The following FAM20A variants were observed in gnomAD, a reference collection of about 807,000 sequenced individuals.
FAM20A encodes the protein pseudokinase FAM20A.
A neutral mutation model predicts 52.0 loss-of-function variants in FAM20A; 42 were observed. That is an observed-to-expected ratio of 0.81 (90% CI 0.63 to 1.04). The LOEUF is 1.04. Ranked by LOEUF, FAM20A falls within the 50% of genes least tolerant of loss-of-function variation. The pLI is 0.00. For missense variants in FAM20A, 742 were observed against 712.7 expected (o/e 1.04, Z -0.47); for synonymous variants, 304 against 298.9 (o/e 1.02, Z -0.18).
At position 68,571,994 on chromosome 17, in the gene FAM20A, A is replaced by ATATAT. The variant is rs1210957280; in HGVS notation, c.405-16256_405-16252dup. Among the ~76,000 whole-genome samples, 18 of 16,664 alleles carry ATATAT rather than the reference A, an allele frequency of 1.1e-3. 1 individual carries two copies. The highest frequency in any genetic ancestry group is 6.2e-3 in the African/African-American group (12 of 1,938). 10.9% of individuals were successfully genotyped at this position (16,664 alleles called of 152,430 possible). ...TGTGTGTGTATATACATACATATAT[A>ATATAT]TATATATATATATATATATATATAT... On this transcript the variant is annotated intron_variant, in intron 1 of 10. Coordinates refer to ENST00000592554, the MANE Select transcript of FAM20A (RefSeq NM_017565.4).
At position 68,552,960 on chromosome 17, in the gene FAM20A, C is replaced by T. The variant is rs1459729781; in HGVS notation, c.641-1009G>A. ...CCTCCCAAAGTGCTGGGATTACAGGCGTGAGCCACCGTGCCCGGCCTAAAC... is the reference window on the plus strand; with the variant it reads ...CCTCCCAAAGTGCTGGGATTACAGGTGTGAGCCACCGTGCCCGGCCTAAAC... On this transcript the variant is annotated intron_variant, in intron 3 of 10. Coordinates refer to ENST00000592554, the MANE Select transcript of FAM20A (RefSeq NM_017565.4). Among the ~76,000 whole-genome samples the T allele has an allele frequency of 1.1e-4, 12 of 107,074 alleles. 3 individuals carry two copies. Among genetic ancestry groups the T allele is most frequent in the Non-Finnish European group, 1.7e-4 (8 of 46,552 alleles). The allele number at this position is 107,074 out of a possible 152,430, so 70.2% of individuals were successfully genotyped here.
chr17:68,554,860 C>A, intron 2 of FAM20A, 33 bp from the exon 3 acceptor site: 2 of 1,611,242 alleles, frequency 1.2e-6, no homozygotes, highest in Non-Finnish European at 8.5e-7. Flanking sequence ...TGAGAACTTC[C>A]AGTCTTGTTC....
Position 68,600,777 on chromosome 17 carries a change from GGTCA to G in FAM20A, c.-115_-112del. 1 of 1,241,990 alleles carries G rather than the reference GGTCA, an allele frequency of 8.1e-7. No homozygotes were observed. Among genetic ancestry groups the G allele is most frequent in the Non-Finnish European group, 1.1e-6 (1 of 916,768 alleles). The allele number at this position is 1,241,990 out of a possible 1,614,324, so 76.9% of individuals were successfully genotyped here. ...GCCTGGAGTCCCGCGGGTGGGCCGG[GGTCA>G]GTGAGACCGGAATGCTCCCCGCGCG... is the stretch of plus-strand genomic sequence containing the variant. On this transcript the variant is annotated 5_prime_UTR_variant, in exon 1 of 11. Coordinates refer to ENST00000592554, the MANE Select transcript of FAM20A (RefSeq NM_017565.4). This position sits in a 1 kb window ranked among gnomAD's most constrained non-coding sequence, Gnocchi z 6.2.
intron 1 of FAM20A, among the ~76,000 whole-genome samples, chr17:68,594,242 A>G (rs1350631231): frequency 2.6e-5 from 4 of 152,204 alleles, no homozygotes; most frequent in Admixed American, 1.3e-4. Flanking sequence ...TACTAAAAAT[A>G]CAAAAAGTTA....
intron 1 of FAM20A, chr17:68,557,730 C>A (rs1480240783): frequency 1.3e-5 from 2 of 152,224 alleles, no homozygotes; most frequent in African/African-American, 4.8e-5. Flanking sequence ...TATCCCCAGA[C>A]GTGATTGCCC....
chr17:68,574,495 C>T (rs1235825211), intron 1 of FAM20A, among the ~76,000 whole-genome samples: 1 of 152,196 alleles, frequency 6.6e-6, no homozygotes, highest in African/African-American at 2.4e-5. Flanking sequence ...AACTCAATCA[C>T]CTCTTAAGGA....
rs750897470 is a variant in FAM20A at position 68,537,744 on chromosome 17, G to GAAAAGACAAAGTTACAGGAT, written c.1362-4_1362-3insATCCTGTAACTTTGTCTTTT. 6.2e-7 allele frequency: 1 copy of GAAAAGACAAAGTTACAGGAT among 1,608,638 alleles called. No individual in the cohort carries two copies. Among genetic ancestry groups the GAAAAGACAAAGTTACAGGAT allele is most frequent in the Non-Finnish European group, 8.5e-7 (1 of 1,177,196 alleles). On this transcript the variant is annotated splice_polypyrimidine_tract_variant and splice_region_variant and intron_variant, in intron 10 of 10. Coordinates refer to ENST00000592554, the MANE Select transcript of FAM20A (RefSeq NM_017565.4). This position sits in a 1 kb window ranked among gnomAD's most constrained non-coding sequence, Gnocchi z 4.2. ...GCAAAAGTGTTTTCTTTTTTATCCT[G>GAAAAGACAAAGTTACAGGAT]AAAAGACAAAGTTACAGGAACCAAA...
chr17:68,540,108 T>C (rs2086222455), intron 8 of FAM20A, 142 bp from the exon 9 acceptor site: 2 of 738,300 alleles, frequency 2.7e-6, no homozygotes, highest in African/African-American at 3.5e-5. Flanking sequence ...CACTGTCATT[T>C]CCTCAGGGCC....
chr17:68,587,600 G>A (rs2088196742), intron 1 of FAM20A, among the ~76,000 whole-genome samples: 1 of 152,142 alleles, frequency 6.6e-6, no homozygotes, highest in South Asian at 2.1e-4. Context: ...GGCCCTACAT[G>A]GAATCCACTG....
intron 1 of FAM20A, among the ~76,000 whole-genome samples, chr17:68,577,891 C>G (rs965953236): frequency 6.6e-6 from 1 of 152,170 alleles, no homozygotes; most frequent in African/African-American, 2.4e-5. Context: ...AAAACACTAA[C>G]ACACGTGTTA....
Position 68,600,938 on chromosome 17 carries a change from C to T in FAM20A, c.-272G>A. The T allele has an allele frequency of 2.5e-6, 1 of 400,178 alleles. No homozygotes were observed. 24.8% of individuals were successfully genotyped at this position (400,178 alleles called of 1,614,324 possible). A position where few individuals can be genotyped will look rare whatever the true frequency, so the allele number is the denominator to read the frequency against. On this transcript the variant is annotated 5_prime_UTR_variant, in exon 1 of 11. Transcript: ENST00000592554. The surrounding 1 kb of genome is among the most constrained non-coding windows in gnomAD (Gnocchi z 6.2). ...CGAGGGAATGGGGTTCCCGGGGTGC[C>T]CGCTTCTTGCGCCTTTTCTCCCGTG...
rs571221897 is a variant in FAM20A, at chr17:68,574,185, C to T, written c.405-18442G>A. 4.0e-4 allele frequency among the ~76,000 whole-genome samples: 61 copies of T among 152,232 alleles called. 1 individual carries two copies. The highest frequency in any genetic ancestry group is 1.4e-3 in the African/African-American group (60 of 41,532). ...GCCCAAGTGATCCTCCCACCTCAGC[C>T]TCCCAAGTAACTGGGACCACAGGCG... On this transcript the variant is annotated intron_variant, in intron 1 of 10. Transcript: ENST00000592554.
intron 1 of FAM20A, among the ~76,000 whole-genome samples, chr17:68,581,054 C>A (rs978026838): frequency 6.6e-6 from 1 of 152,184 alleles, no homozygotes; most frequent in African/African-American, 2.4e-5. Context: ...AACTATGGTG[C>A]ATAAGGAGGG....
At chr17:68,598,921 A>G (rs1198038944) in intron 1 of FAM20A, among the ~76,000 whole-genome samples, 2 of 152,234 alleles carry the variant, frequency 1.3e-5, no homozygotes, top group African/African-American at 4.8e-5. Flanking sequence ...GTTATTGACG[A>G]AATAAAGATA....
chr17:68,547,754 G>A (rs1199791391), intron 4 of FAM20A, among the ~76,000 whole-genome samples: 2 of 152,212 alleles, frequency 1.3e-5, no homozygotes, highest in South Asian at 2.1e-4. Context: ...AACTTGCTCC[G>A]TATCAGCAGT....
chr17:68,599,725 A>T (rs916184960), intron 1 of FAM20A, among the ~76,000 whole-genome samples: 1 of 152,168 alleles, frequency 6.6e-6, no homozygotes, highest in East Asian at 1.9e-4. Flanking sequence ...TGATCTCTGA[A>T]ACTGGGCAGA....
intron 1 of FAM20A, among the ~76,000 whole-genome samples, chr17:68,582,029 A>G (rs9905130): frequency 2.6e-4 from 40 of 152,312 alleles, no homozygotes; most frequent in African/African-American, 9.6e-4. Context: ...TAAGTGCCGC[A>G]CAAGTGTCAC....
At chr17:68,539,793 A>T in intron 9 of FAM20A, 92 bp downstream of exon 9, 1 of 1,231,348 alleles carries the variant, frequency 8.1e-7, no homozygotes, top group East Asian at 2.4e-5. Flanking sequence ...GGAGGCCCTC[A>T]TTTGCAGGGC....
chr17:68,559,362 A>G (rs1055457222), intron 1 of FAM20A, among the ~76,000 whole-genome samples: 30 of 152,220 alleles, frequency 2.0e-4, no homozygotes, highest in Admixed American at 1.8e-3. Context: ...ATTGCCTTCT[A>G]TTTGTGTTGG....
Sources: gnomAD v4.1 joint callset for allele counts (sites outside exome capture counted in the v4.1 genomes callset) on GRCh38, gnomAD v4.1.1 for gene constraint, Gnocchi (gnomAD v3.1) non-coding constraint, MANE v1.5 for transcripts, NCBI Gene and HGNC (gene_info 2026-07-23, HGNC 2026-07-21) for gene names.